ZMAT4: variants seen among roughly 807,000 people sequenced by gnomAD.
ZMAT4 encodes the protein zinc finger matrin-type protein 4.
In ZMAT4, 17 loss-of-function variants were observed where a neutral mutation model predicts 28.7. The ratio of observed to expected loss-of-function variants is 0.59; its 90% CI spans 0.41 to 0.89. The LOEUF (loss-of-function observed/expected upper bound fraction) is 0.89, where lower values mean the gene tolerates loss of function less well. ZMAT4 is among the 40% of genes least tolerant of loss of function. The probability of loss-of-function intolerance (pLI) is 0.00; values close to 1 mark genes in which losing one functional copy is unlikely to be tolerated. For missense variants in ZMAT4, 240 were observed against 283.8 expected (o/e 0.85, Z 1.11); for synonymous variants, 117 against 109.2 (o/e 1.07, Z -0.44).
intron 6 of ZMAT4, among the ~76,000 whole-genome samples, chr8:40,563,459 A>T (rs1052386799): frequency 7.9e-5 from 12 of 152,172 alleles, no homozygotes; most frequent in African/African-American, 2.9e-4. Flanking sequence ...ACAGAGCAGA[A>T]CTGAATCTCT....
chr8:40,610,610 C>A (rs971497132), intron 5 of ZMAT4, among the ~76,000 whole-genome samples: 1 of 152,030 alleles, frequency 6.6e-6, no homozygotes, highest in African/African-American at 2.4e-5. Context: ...GGAACAATTT[C>A]TTTCATAAAT....
In ZMAT4 at chr8:40,674,918, G is replaced by T; in HGVS notation, c.363C>A (p.Ser121Arg). 1 of 1,612,496 alleles carries T rather than the reference G, an allele frequency of 6.2e-7. No homozygotes were observed. Among genetic ancestry groups the T allele is most frequent in the Non-Finnish European group, 8.5e-7 (1 of 1,179,558 alleles). Residue 121 changes from serine to arginine, a missense_variant, in exon 5 of 7, where the codon AGC (serine) becomes AGA (arginine). Transcript: ENST00000297737. ...TGTCCATCCGTGGGGGCTTAAGTGG[G>T]CTCAGGGGTGTTGCTGTGAAAGGAA... ...TPLKTTATPL[S>R]PLKPPRMDTA...
At position 40,882,021 on chromosome 8, in the gene ZMAT4, A is replaced by T. The variant is rs529903814; in HGVS notation, c.-5+15662T>A. 2.6e-5 allele frequency among the ~76,000 whole-genome samples: 4 copies of T among 152,226 alleles called. No individual in the cohort carries two copies. In the South Asian group the frequency reaches 8.3e-4, roughly 32 times the overall value. On this transcript the variant is annotated intron_variant, in intron 1 of 6. Coordinates refer to ENST00000297737, the MANE Select transcript of ZMAT4 (RefSeq NM_024645.3). Reference sequence around the variant, plus strand: ...CCTTTCACCCAACATCAATCCCTGCACCAACAGCTGAAGGAAAGGTGAGGA... The same window carrying T: ...CCTTTCACCCAACATCAATCCCTGCTCCAACAGCTGAAGGAAAGGTGAGGA...
intron 1 of ZMAT4, among the ~76,000 whole-genome samples, chr8:40,862,284 G>A (rs1459685777): frequency 6.6e-6 from 1 of 151,496 alleles, no homozygotes; most frequent in African/African-American, 2.4e-5. Flanking sequence ...CATGGATGAA[G>A]CTGGAAACCA....
chr8:40,690,449 T>A (rs1809612251), intron 4 of ZMAT4, among the ~76,000 whole-genome samples: 1 of 152,184 alleles, frequency 6.6e-6, no homozygotes, highest in Non-Finnish European at 1.5e-5. Context: ...GATCTAGAGA[T>A]GATGCCTCAG....
chr8:40,627,696 G>A (rs969822902), intron 5 of ZMAT4, among the ~76,000 whole-genome samples: 1 of 152,070 alleles, frequency 6.6e-6, no homozygotes, highest in African/African-American at 2.4e-5. Flanking sequence ...AGTTATTTCA[G>A]CTTGCTTATT....
chr8:40,774,728 T>C (rs910554914), intron 2 of ZMAT4, among the ~76,000 whole-genome samples: 1 of 151,372 alleles, frequency 6.6e-6, no homozygotes, highest in Non-Finnish European at 1.5e-5. Flanking sequence ...CTAATCAGAA[T>C]ATAAATTTTT....
At chr8:40,737,430 G>A (rs1292771653) in intron 3 of ZMAT4, among the ~76,000 whole-genome samples, 1 of 152,134 alleles carries the variant, frequency 6.6e-6, no homozygotes, top group Non-Finnish European at 1.5e-5. Context: ...AGAGAATGAA[G>A]TGGTCAGAAA....
At chr8:40,821,203 T>A (rs563482824) in intron 2 of ZMAT4, among the ~76,000 whole-genome samples, 2 of 152,236 alleles carry the variant, frequency 1.3e-5, no homozygotes, top group African/African-American at 2.4e-5. Context: ...AAGCAACTCT[T>A]TCCCTTTGCA....
At chr8:40,855,483 C>T (rs1817263521) in intron 1 of ZMAT4, among the ~76,000 whole-genome samples, 1 of 152,042 alleles carries the variant, frequency 6.6e-6, no homozygotes, top group Non-Finnish European at 1.5e-5. Context: ...GAGTAGAGAA[C>T]CAAAGTGTTC....
intron 2 of ZMAT4, among the ~76,000 whole-genome samples, chr8:40,817,136 G>T (rs1225522810): frequency 1.3e-5 from 2 of 152,072 alleles, no homozygotes; most frequent in Non-Finnish European, 2.9e-5. Flanking sequence ...TAAACAAGCA[G>T]TCTTGAAATT....
chr8:40,535,552 C>T (rs1802819082), intron 6 of ZMAT4, among the ~76,000 whole-genome samples: 1 of 151,960 alleles, frequency 6.6e-6, no homozygotes, highest in Non-Finnish European at 1.5e-5. Context: ...TCCTGTAGTC[C>T]TAGCTATTTG....
At chr8:40,784,170 C>T (rs1813964623) in intron 2 of ZMAT4, among the ~76,000 whole-genome samples, 1 of 152,020 alleles carries the variant, frequency 6.6e-6, no homozygotes, top group Non-Finnish European at 1.5e-5. Flanking sequence ...AATGTTGATG[C>T]CAAAACCCTT....
intron 5 of ZMAT4, among the ~76,000 whole-genome samples, chr8:40,657,593 CCT>C (rs1169472585): frequency 2.0e-5 from 3 of 152,018 alleles, no homozygotes; most frequent in Non-Finnish European, 2.9e-5. Flanking sequence ...TTCAAGATTT[CCT>C]CTTTCTCCTT....
At chr8:40,813,198 A>T (rs1179551882) in intron 2 of ZMAT4, among the ~76,000 whole-genome samples, 2 of 152,130 alleles carry the variant, frequency 1.3e-5, no homozygotes, top group African/African-American at 2.4e-5. Flanking sequence ...ATCCATGCCC[A>T]CAAAGCCATG....
intron 5 of ZMAT4, among the ~76,000 whole-genome samples, chr8:40,586,624 C>T (rs1312555411): frequency 6.6e-6 from 1 of 152,114 alleles, no homozygotes. Flanking sequence ...ACATATGGTC[C>T]TGGAGACTTC....
intron 5 of ZMAT4, among the ~76,000 whole-genome samples, chr8:40,649,534 A>T (rs1340410199): frequency 6.6e-6 from 1 of 152,196 alleles, no homozygotes; most frequent in African/African-American, 2.4e-5. Context: ...AAAGTCAACA[A>T]GGATACCGAG....
At chr8:40,603,956 G>A (rs1456149566) in intron 5 of ZMAT4, among the ~76,000 whole-genome samples, 1 of 152,128 alleles carries the variant, frequency 6.6e-6, no homozygotes, top group African/African-American at 2.4e-5. Flanking sequence ...CTATTTCTAA[G>A]TATTTTAATT....
At chr8:40,806,313 C>T (rs1041429712) in intron 2 of ZMAT4, among the ~76,000 whole-genome samples, 2 of 152,154 alleles carry the variant, frequency 1.3e-5, no homozygotes, top group Admixed American at 1.3e-4. Context: ...TCCTTTGTTT[C>T]TTTCTCTTTT....
Sources: allele counts gnomAD v4.1 joint callset (sites outside exome capture counted in the v4.1 genomes callset), GRCh38; gene constraint gnomAD v4.1.1; transcripts MANE v1.5; gene names NCBI Gene and HGNC (gene_info 2026-07-23, HGNC 2026-07-21).